FGFR2: variants seen among roughly 807,000 people sequenced by gnomAD.
FGFR2 encodes the protein fibroblast growth factor receptor 2, also known as BEK fibroblast growth factor receptor.
A neutral mutation model predicts 95.9 loss-of-function variants in FGFR2; 19 were observed. The observed-to-expected ratio is 0.20, with a 90% confidence interval of 0.14 to 0.29. The LOEUF (loss-of-function observed/expected upper bound fraction) is 0.29, where lower values mean the gene tolerates loss of function less well. Ranked by LOEUF, FGFR2 falls within the 10% of genes least tolerant of loss-of-function variation. The probability of loss-of-function intolerance (pLI) is 1.00; values close to 1 mark genes in which losing one functional copy is unlikely to be tolerated. For missense variants in FGFR2, 707 were observed against 1,056.9 expected (o/e 0.67, Z 4.59); for synonymous variants, 392 against 393.3 (o/e 1.00, Z 0.04).
intron 15 of FGFR2, among the ~76,000 whole-genome samples, chr10:121,486,778 G>C (rs375103109): frequency 6.6e-6 from 1 of 152,142 alleles, no homozygotes. Flanking sequence ...ATATCAGTTG[G>C]AGCCTGACCC....
chr10:121,594,859 A>G (rs942007924), intron 1 of FGFR2, among the ~76,000 whole-genome samples: 3 of 152,256 alleles, frequency 2.0e-5, no homozygotes, highest in Non-Finnish European at 2.9e-5. Context: ...GATTGGACCA[A>G]TAACTTTCCA....
At chr10:121,564,640 A>G in intron 3 of FGFR2, 61 bp from the exon 4 acceptor site, 2 of 1,468,854 alleles carry the variant, frequency 1.4e-6, no homozygotes, top group Non-Finnish European at 1.9e-6. Context: ...GGTTGCAATT[A>G]TCTACAACTG....
chr10:121,535,620 C>T (rs112295518), intron 6 of FGFR2, among the ~76,000 whole-genome samples: 1 of 152,184 alleles, frequency 6.6e-6, no homozygotes, highest in African/African-American at 2.4e-5. Flanking sequence ...CGCCACCTCC[C>T]GGAGCCACAG....
chr10:121,534,259 T>C (rs2081750), intron 6 of FGFR2, among the ~76,000 whole-genome samples: 152,028 of 152,038 alleles, frequency 1, 76,009 homozygotes, highest in Middle Eastern at 1. Flanking sequence ...CCACCACCCC[T>C]GGGTAATTTT....
rs1182067094 is a variant in FGFR2 at position 121,518,143 on chromosome 10, T to C, written c.940-680A>G. The C allele has an allele frequency of 1.7e-5, 6 of 363,436 alleles. No homozygotes were observed. Among genetic ancestry groups the C allele is most frequent in the Non-Finnish European group, 3.2e-5 (6 of 190,000 alleles). The allele number at this position is 363,436 out of a possible 1,614,324, so 22.5% of individuals were successfully genotyped here. A position where few individuals can be genotyped will look rare whatever the true frequency, so the allele number is the denominator to read the frequency against. ...TAAAAAGTCAACCTTTTGCCTTTAGTAGCGTCCAGTAGTACATTCATTAAG... is the reference window on the plus strand; with the variant it reads ...TAAAAAGTCAACCTTTTGCCTTTAGCAGCGTCCAGTAGTACATTCATTAAG... On this transcript the variant is annotated intron_variant, in intron 7 of 17. Coordinates refer to ENST00000358487, the MANE Select transcript of FGFR2 (RefSeq NM_000141.5). The surrounding 1 kb of genome is among the most constrained non-coding windows in gnomAD (Gnocchi z 4.0).
intron 5 of FGFR2, among the ~76,000 whole-genome samples, chr10:121,547,107 C>A (rs996434411): frequency 3.3e-5 from 5 of 152,060 alleles, no homozygotes; most frequent in African/African-American, 9.7e-5. Context: ...ACCTGTAATC[C>A]CAGCTACTTG....
intron 6 of FGFR2, chr10:121,527,700 A>C (rs561886925): frequency 6.6e-6 from 1 of 152,166 alleles, no homozygotes. Flanking sequence ...AGGTATATTG[A>C]CCTTGTCCAG....
intron 6 of FGFR2, among the ~76,000 whole-genome samples, chr10:121,520,456 A>C (rs1339068431): frequency 6.6e-6 from 1 of 152,236 alleles, no homozygotes; most frequent in Non-Finnish European, 1.5e-5. Flanking sequence ...GAATACGGGA[A>C]GAAATTCTAC....
intron 2 of FGFR2, among the ~76,000 whole-genome samples, chr10:121,566,957 C>T (rs983659581): frequency 2.0e-5 from 3 of 152,070 alleles, no homozygotes; most frequent in African/African-American, 7.2e-5. Context: ...ACAGCTGGAG[C>T]GGCCAGCTGG....
chr10:121,551,466 T>G lies in FGFR2; in HGVS notation c.455-7A>C, dbSNP rs764180882. The G allele has an allele frequency of 6.2e-7, 1 of 1,614,048 alleles. No homozygotes were observed. The highest frequency in any genetic ancestry group is 2.2e-5 in the East Asian group (1 of 44,872). Reference sequence around the variant, plus strand: ...TTGGTCCAGTATGGTGCTCCTGTTTTGGAAAACAGTATTAGAATGTATACT... The same window carrying G: ...TTGGTCCAGTATGGTGCTCCTGTTTGGGAAAACAGTATTAGAATGTATACT... On this transcript the variant is annotated splice_region_variant and splice_polypyrimidine_tract_variant and intron_variant, in intron 4 of 17. Coordinates refer to ENST00000358487, the MANE Select transcript of FGFR2 (RefSeq NM_000141.5).
chr10:121,563,653 T>C (rs1857272073), intron 4 of FGFR2, among the ~76,000 whole-genome samples: 1 of 152,168 alleles, frequency 6.6e-6, no homozygotes, highest in Non-Finnish European at 1.5e-5. Context: ...GTAATCCTCA[T>C]AACAACCCCA....
At chr10:121,594,024 C>T in intron 1 of FGFR2, 57 bp from the exon 2 acceptor site, 1 of 646,590 alleles carries the variant, frequency 1.5e-6, no homozygotes. Context: ...ATCACTCCAG[C>T]CCAAGTGGGA....
Position 121,479,913 on chromosome 10 carries a change from G to A in FGFR2, c.2410C>T (p.Pro804Ser), listed in dbSNP as rs575812178. 3 of 1,614,140 alleles carry A rather than the reference G, an allele frequency of 1.9e-6. No individual in the cohort carries two copies. The highest frequency in any genetic ancestry group is 2.2e-5 in the East Asian group (1 of 44,880). ...TACTGAGGAAGGCATGGTTCGTAAG[G>A]CATGGGGTCTGGAGAAAAAACAGAA... ...DDSVFSPDPMPYEPCLPQYPH... is the reference protein window; with the variant it reads ...DDSVFSPDPMSYEPCLPQYPH... Residue 804 changes from proline to serine, a missense_variant, in exon 18 of 18, where the codon CCT becomes TCT. Physicochemically the swap from Pro to Ser is moderately conservative, Grantham distance 74. This residue lies in a region of FGFR2 where 51 missense variants were observed against 50.2 expected (regional missense o/e 1.01). Transcript: ENST00000358487.
At chr10:121,497,852 T>G (rs775564396) in intron 12 of FGFR2, among the ~76,000 whole-genome samples, 1 of 152,196 alleles carries the variant, frequency 6.6e-6, no homozygotes, top group Non-Finnish European at 1.5e-5. Context: ...GTCTAAAATA[T>G]CTACGACCTC....
chr10:121,516,460 T>A (rs1849722764), intron 8 of FGFR2, among the ~76,000 whole-genome samples: 1 of 152,246 alleles, frequency 6.6e-6, no homozygotes, highest in Non-Finnish European at 1.5e-5. Flanking sequence ...ATCTATTTTA[T>A]TTTTACTAGA....
chr10:121,485,337 G>A lies in FGFR2; in HGVS notation c.2195+58C>T, dbSNP rs1845271650. The A allele has an allele frequency of 2.5e-6, 4 of 1,606,878 alleles. No homozygotes were observed. The highest frequency in any genetic ancestry group is 1.7e-5 in the Admixed American group (1 of 59,972). ...TTCAAAAACGAGATACATCAGGAGA[G>A]GTATTACTGGTGTGGCAAGTCCACT... On this transcript the variant is annotated intron_variant, in intron 16 of 17. Transcript: ENST00000358487. This position sits in a 1 kb window ranked among gnomAD's most constrained non-coding sequence, Gnocchi z 4.2.
chr10:121,562,566 G>A (rs373853893), intron 4 of FGFR2, among the ~76,000 whole-genome samples: 13 of 152,270 alleles, frequency 8.5e-5, no homozygotes, highest in South Asian at 4.2e-4. Context: ...GATTACAGGC[G>A]TGAGCAACGG....
intron 2 of FGFR2, among the ~76,000 whole-genome samples, chr10:121,569,944 G>A (rs911284786): frequency 2.0e-5 from 3 of 152,180 alleles, no homozygotes; most frequent in Non-Finnish European, 2.9e-5. Context: ...AAACACACAA[G>A]AGAGAAAGAG....
chr10:121,541,174 T>C (rs1170496694), intron 5 of FGFR2, among the ~76,000 whole-genome samples: 1 of 152,196 alleles, frequency 6.6e-6, no homozygotes, highest in Non-Finnish European at 1.5e-5. Context: ...AAACAGGGTG[T>C]TTCTGTCCAT....
Sources: gnomAD v4.1 joint callset for allele counts (sites outside exome capture counted in the v4.1 genomes callset) on GRCh38, gnomAD v4.1.1 for gene constraint, gnomAD v4.1.1 regional missense constraint, Gnocchi (gnomAD v3.1) non-coding constraint, MANE v1.5 for transcripts, NCBI Gene and HGNC (gene_info 2026-07-23, HGNC 2026-07-21) for gene names.